The following RBAK variants were observed in gnomAD, a reference collection of about 807,000 sequenced individuals.
RBAK encodes RB associated KRAB zinc finger, also known as RB-associated KRAB zinc finger protein.
RBAK carries 39 observed loss-of-function variants against 65.8 expected under a neutral mutation model. That is an observed-to-expected ratio of 0.59 (90% CI 0.46 to 0.77). RBAK has a LOEUF of 0.77. RBAK is among the 30% of genes least tolerant of loss of function. RBAK has a pLI of 0.00. For synonymous variants in RBAK, 343 were observed against 289.7 expected, an observed-to-expected ratio of 1.18 and a Z score of -1.87; for missense variants, 884 against 855.1, an observed-to-expected ratio of 1.03 and a Z score of -0.42.
At chr7:5,049,373 A>G (rs1374149710) in intron 2 of RBAK, among the ~76,000 whole-genome samples, 3 of 152,164 alleles carry the variant, frequency 2.0e-5, no homozygotes, top group Non-Finnish European at 1.5e-5. Flanking sequence ...TCATCCTTCA[A>G]ATATTTGTTC....
At position 5,068,929 on chromosome 7, in the gene RBAK, T is replaced by A. The variant is rs1779286761; in HGVS notation, c.*3328T>A. 1 of 152,192 alleles carries A rather than the reference T, an allele frequency of 6.6e-6. No homozygotes were observed. The highest frequency in any genetic ancestry group is 1.5e-5 in the Non-Finnish European group (1 of 68,036). 9.4% of individuals were successfully genotyped at this position (152,192 alleles called of 1,614,324 possible). On this transcript the variant is annotated 3_prime_UTR_variant, in exon 5 of 5. Coordinates refer to ENST00000396912, the MANE Select transcript of RBAK (RefSeq NM_021163.4). ...AAGACTCCAGACACAAAAGCCAACATGCTGTATGATTCCTTCTATATAAAT... is the reference window on the plus strand; with the variant it reads ...AAGACTCCAGACACAAAAGCCAACAAGCTGTATGATTCCTTCTATATAAAT...
In RBAK at chr7:5,048,181, C is replaced by CTT; in HGVS notation, c.15+98_15+99dup. On this transcript the variant is annotated intron_variant, in intron 2 of 4. Coordinates refer to ENST00000396912, the MANE Select transcript of RBAK (RefSeq NM_021163.4). The surrounding 1 kb of genome is among the most constrained non-coding windows in gnomAD (Gnocchi z 4.4). ...TAAGGATTCTTACCTTTTTTTTTTT[C>CTT]TTTTTTTTTGAGATGGAGTCTTGCT... 5 of 1,423,228 alleles carry CTT rather than the reference C, an allele frequency of 3.5e-6. No homozygotes were observed. Among genetic ancestry groups the CTT allele is most frequent in the Non-Finnish European group, 3.8e-6 (4 of 1,059,850 alleles). The allele number at this position is 1,423,228 out of a possible 1,614,324, so 88.2% of individuals were successfully genotyped here. A position where few individuals can be genotyped will look rare whatever the true frequency, so the allele number is the denominator to read the frequency against.
At chr7:5,054,629 T>C (rs1305741708) in intron 2 of RBAK, among the ~76,000 whole-genome samples, 1 of 152,054 alleles carries the variant, frequency 6.6e-6, no homozygotes, top group Non-Finnish European at 1.5e-5. Context: ...AGACAGGGTC[T>C]TGCTATGTTG....
intron 2 of RBAK, among the ~76,000 whole-genome samples, chr7:5,055,190 A>ATTATAC (rs1426591438): frequency 2.0e-5 from 3 of 151,982 alleles, no homozygotes; most frequent in Non-Finnish European, 4.4e-5. Context: ...GAAGGTATGT[A>ATTATAC]GTTTTTCCCT....
intron 4 of RBAK, 130 bp from the exon 5 acceptor site, chr7:5,063,565 T>C (rs1263870722): frequency 3.0e-6 from 2 of 659,548 alleles, no homozygotes; most frequent in Non-Finnish European, 4.9e-6. Context: ...GCATTTGTAA[T>C]TATTTTTATT....
At chr7:5,063,674 T>C (rs779488743) in intron 4 of RBAK, 21 bp from the exon 5 acceptor site, 2 of 1,536,970 alleles carry the variant, frequency 1.3e-6, no homozygotes, top group East Asian at 2.3e-5. Flanking sequence ...ACAAAGTTTG[T>C]TTACTATTTT....
intron 4 of RBAK, among the ~76,000 whole-genome samples, chr7:5,058,097 C>A (rs558520057): frequency 6.5e-4 from 99 of 151,990 alleles, no homozygotes; most frequent in African/African-American, 2.3e-3. Context: ...GTTTTGGAGA[C>A]AGAATCTTGT....
At position 5,064,195 on chromosome 7, in the gene RBAK, A is replaced by C; in HGVS notation, c.739A>C (p.Asn247His). The change falls in exon 5 of 5, where the codon AAT (asparagine) becomes CAT (histidine). Residue 247 changes from asparagine to histidine, a missense_variant. Physicochemically the swap from Asn to His is moderately conservative, Grantham distance 68. Transcript: ENST00000396912. The surrounding 1 kb of genome is among the most constrained non-coding windows in gnomAD (Gnocchi z 6.3). Reference protein sequence around the residue: ...DSGPDFIQMSNFNAYQRSQME... With the variant: ...DSGPDFIQMSHFNAYQRSQME... ...TGGACCAGACTTCATACAGATGTCA[A>C]ATTTTAATGCATATCAGAGATCACA... The C allele has an allele frequency of 1.9e-6, 3 of 1,613,970 alleles. No individual in the cohort carries two copies. Among genetic ancestry groups the C allele is most frequent in the East Asian group, 4.5e-5 (2 of 44,878 alleles).
chr7:5,059,370 G>C (rs1008252703), intron 4 of RBAK, among the ~76,000 whole-genome samples: 4 of 151,616 alleles, frequency 2.6e-5, no homozygotes, highest in South Asian at 2.1e-4. Flanking sequence ...GCCCAGGCTG[G>C]AGTGCAATGG....
chr7:5,047,800 G>A (rs1202305676), intron 1 of RBAK, among the ~76,000 whole-genome samples: 2 of 151,656 alleles, frequency 1.3e-5, no homozygotes, highest in Admixed American at 1.3e-4. Context: ...TAGAGATGGG[G>A]TTTCGCCATA....
In RBAK at chr7:5,057,279, C is replaced by T. The variant is rs138196393; in HGVS notation, c.16-16C>T. On this transcript the variant is annotated splice_polypyrimidine_tract_variant and intron_variant, in intron 2 of 4. Coordinates refer to ENST00000396912, the MANE Select transcript of RBAK (RefSeq NM_021163.4). ...CTTTTCCGTATCTCCCAATTCTGAT[C>T]ATGTTGCCATTACAGGGGCCAGTGT... 290 of 1,613,934 alleles carry T rather than the reference C, an allele frequency of 1.8e-4. 3 individuals are homozygous for T. The East Asian group carries it at 6.4e-3, about 36-fold the overall frequency.
At chr7:5,059,816 A>G (rs1410047299) in intron 4 of RBAK, among the ~76,000 whole-genome samples, 1 of 152,136 alleles carries the variant, frequency 6.6e-6, no homozygotes, top group African/African-American at 2.4e-5. Flanking sequence ...TATAAGCTCT[A>G]AGATTGTGTG....
rs753240381 is a variant in RBAK at position 5,046,299 on chromosome 7, G to A, written c.-142G>A. The A allele has an allele frequency of 3.5e-5, 18 of 516,370 alleles. No individual in the cohort carries two copies. The East Asian group carries it at 7.6e-4, about 22-fold the overall frequency. 32.0% of individuals were successfully genotyped at this position (516,370 alleles called of 1,614,324 possible). On this transcript the variant is annotated 5_prime_UTR_variant, in exon 1 of 5. Coordinates refer to ENST00000396912, the MANE Select transcript of RBAK (RefSeq NM_021163.4). ...GGAGCAGAACAACCTTAGTGAGGTG[G>A]ACAGGAGGGGACCTCGCGAGCAGAC...
At chr7:5,049,504 A>T (rs1175190854) in intron 2 of RBAK, among the ~76,000 whole-genome samples, 8 of 152,206 alleles carry the variant, frequency 5.3e-5, no homozygotes, top group Non-Finnish European at 1.0e-4. Context: ...TTGCTGAGTC[A>T]GTCTGTAAAG....
rs1787976400 is a variant in RBAK, at chr7:5,046,184, C to T, written c.-257C>T. On this transcript the variant is annotated 5_prime_UTR_variant, in exon 1 of 5. Transcript: ENST00000396912. ...GTCCTGGCGGCCTGGCCCAGGCTGC[C>T]GCTGTACGGTGAGCCCGAGGGAGGC... 3 of 461,284 alleles carry T rather than the reference C, an allele frequency of 6.5e-6. No homozygotes were observed. Among genetic ancestry groups the T allele is most frequent in the Admixed American group, 2.3e-5 (1 of 42,782 alleles). The allele number at this position is 461,284 out of a possible 1,614,324, so 28.6% of individuals were successfully genotyped here.
At position 5,068,286 on chromosome 7, in the gene RBAK, A is replaced by G. The variant is rs1487296690; in HGVS notation, c.*2685A>G. 1 of 152,178 alleles carries G rather than the reference A, an allele frequency of 6.6e-6. No homozygotes were observed. Among genetic ancestry groups the G allele is most frequent in the Non-Finnish European group, 1.5e-5 (1 of 68,038 alleles). 9.4% of individuals were successfully genotyped at this position (152,178 alleles called of 1,614,324 possible). On this transcript the variant is annotated 3_prime_UTR_variant, in exon 5 of 5. Coordinates refer to ENST00000396912, the MANE Select transcript of RBAK (RefSeq NM_021163.4). ...AAAATGAGCATGGCTGCTTCCCAGT[A>G]AAACCATTCACAATCCCAGGTGGCA...
At chr7:5,056,638 C>A (rs1788238557) in intron 2 of RBAK, among the ~76,000 whole-genome samples, 2 of 152,300 alleles carry the variant, frequency 1.3e-5, no homozygotes, top group South Asian at 4.1e-4. Context: ...CTAATAACAG[C>A]TTTGGGCATT....
intron 2 of RBAK, among the ~76,000 whole-genome samples, chr7:5,050,580 CTTTCT>C (rs1397434193): frequency 6.6e-6 from 1 of 151,892 alleles, no homozygotes; most frequent in Non-Finnish European, 1.5e-5. Flanking sequence ...GCCAAAATAC[CTTTCT>C]TTTCTTTTCT....
In RBAK at chr7:5,063,916, G is replaced by T; in HGVS notation, c.460G>T (p.Asp154Tyr). The change falls in exon 5 of 5, where the codon GAT becomes TAT. Residue 154 changes from aspartate (D) to tyrosine (Y), a missense_variant. Asp to Tyr is a radical substitution (Grantham distance 160, BLOSUM62 -3). Coordinates refer to ENST00000396912, the MANE Select transcript of RBAK (RefSeq NM_021163.4). ...LESISQLISS[D>Y]GSYARTKPDE... is the part of the protein sequence containing the mutation. ...ATCTATTTCGCAATTAATTAGTAGT[G>T]ATGGAAGCTATGCTAGGACAAAACC... The T allele has an allele frequency of 2.5e-6, 4 of 1,613,952 alleles. No individual in the cohort carries two copies. Among genetic ancestry groups the T allele is most frequent in the Non-Finnish European group, 3.4e-6 (4 of 1,179,902 alleles).
Sources: gnomAD v4.1 joint callset for allele counts (sites outside exome capture counted in the v4.1 genomes callset) on GRCh38, gnomAD v4.1.1 for gene constraint, Gnocchi (gnomAD v3.1) non-coding constraint, MANE v1.5 for transcripts, NCBI Gene and HGNC (gene_info 2026-07-23, HGNC 2026-07-21) for gene names.